KRT26: variants seen among roughly 807,000 people sequenced by gnomAD.
KRT26 encodes the protein keratin 26, also known as keratin, type I cytoskeletal 26.
A neutral mutation model predicts 46.1 loss-of-function variants in KRT26; 45 were observed. The observed-to-expected ratio is 0.98, with a 90% CI of 0.77 to 1.25. KRT26 has a LOEUF of 1.25. KRT26 is among the 50% of genes most tolerant of loss of function. The probability of loss-of-function intolerance (pLI) is 0.00; values close to 1 mark genes in which losing one functional copy is unlikely to be tolerated. For synonymous variants in KRT26, 191 were observed against 209.9 expected, an observed-to-expected ratio of 0.91 and a Z score of 0.78; for missense variants, 582 against 560.1, an observed-to-expected ratio of 1.04 and a Z score of -0.39.
chr17:40,771,690 C>T, exon 1 of KRT26: 2 of 1,613,042 alleles, frequency 1.2e-6, no homozygotes, highest in Non-Finnish European at 1.7e-6. Flanking sequence ...TTAAGATCTT[C>T]TATGACTGAG....
At chr17:40,769,051 A>C (rs1227054817) in exon 6 of KRT26, 1 of 1,614,088 alleles carries the variant, frequency 6.2e-7, no homozygotes, top group East Asian at 2.2e-5. Context: ...AGTTGATTGC[A>C]GTAATTTCCT....
rs116825164 is a variant in KRT26, at chr17:40,771,226, G to A, written c.452C>T (p.Ala151Val). Residue 151 changes from alanine to valine, a missense_variant, in exon 2 of 8, where the codon GCG (alanine) becomes GTG (valine). Transcript: ENST00000335552. ...AACAATGCTGGCATTGCAGATGGTC[G>A]CAGAAATAATCTAAATAGGGAAGAT... 4.0e-4 allele frequency: 639 copies of A among 1,593,848 alleles called. 2 individuals are homozygous for A. In the African/African-American group the frequency reaches 7.6e-3, roughly 19 times the overall value.
intron 7 of KRT26, among the ~76,000 whole-genome samples, chr17:40,767,363 G>A (rs915959590): frequency 6.6e-6 from 1 of 152,134 alleles, no homozygotes; most frequent in Admixed American, 6.5e-5. Flanking sequence ...AACATGTTGT[G>A]GGATTAATTC....
chr17:40,767,050 G>T (rs2038178135), intron 7 of KRT26, among the ~76,000 whole-genome samples: 1 of 152,158 alleles, frequency 6.6e-6, no homozygotes, highest in Non-Finnish European at 1.5e-5. Flanking sequence ...AAAAATGTTT[G>T]CTTTTTAAAA....
intron 5 of KRT26, 109 bp downstream of exon 5, chr17:40,769,645 T>A: frequency 2.7e-6 from 3 of 1,114,808 alleles, no homozygotes; most frequent in Non-Finnish European, 4.0e-6. Flanking sequence ...TTTATACTTT[T>A]AGTCATATGT....
exon 1 of KRT26, chr17:40,771,770 A>G (rs748464617): frequency 6.2e-7 from 1 of 1,614,136 alleles, no homozygotes; most frequent in South Asian, 1.1e-5. Context: ...CCAGCCCTTG[A>G]TCTTCTGCTC....
chr17:40,771,095 A>G (rs2038217773), intron 2 of KRT26, 59 bp downstream of exon 2: 2 of 991,456 alleles, frequency 2.0e-6, no homozygotes, highest in Non-Finnish European at 3.0e-6. Flanking sequence ...TATATTCCTT[A>G]ATCCAATTGT....
intron 1 of KRT26, 143 bp from the exon 2 acceptor site, chr17:40,771,379 C>T: frequency 1.7e-6 from 1 of 597,192 alleles, no homozygotes; most frequent in East Asian, 2.9e-5. Flanking sequence ...GGATTTTCTT[C>T]AGATAATAAG....
At chr17:40,772,201 T>A, upstream of KRT26, 1 of 1,027,604 alleles carries the variant, frequency 9.7e-7, no homozygotes, top group Non-Finnish European at 1.5e-6. Flanking sequence ...CTTGGCCTTT[T>A]ATAGTATTCA....
intron 6 of KRT26, 30 bp downstream of exon 6, chr17:40,768,849 T>C: frequency 3.0e-6 from 2 of 673,064 alleles, no homozygotes; most frequent in South Asian, 2.6e-5. Flanking sequence ...AATGTGAGGT[T>C]TTTTTTTTTT....
Position 40,768,185 on chromosome 17 carries a change from C to T in KRT26, c.1188-532G>A, listed in dbSNP as rs564098375. ...CTGATGGGCCTTGGAGGGTGCAAGA[C>T]GTTACCTCCTCACTATGCGGCCATG... On this transcript the variant is annotated intron_variant, in intron 6 of 7. Coordinates refer to ENST00000335552, the Ensembl canonical transcript of KRT26. Among the ~76,000 whole-genome samples, 14 of 152,282 alleles carry T rather than the reference C, an allele frequency of 9.2e-5. No homozygotes were observed. The South Asian group carries it at 1.7e-3, about 18-fold the overall frequency.
intron 6 of KRT26, among the ~76,000 whole-genome samples, chr17:40,768,034 T>C (rs1456806586): frequency 6.6e-6 from 1 of 152,208 alleles, no homozygotes; most frequent in Non-Finnish European, 1.5e-5. Context: ...AGTATACACA[T>C]GCAAAAAGTT....
At chr17:40,771,883 G>T in exon 1 of KRT26, 6 of 1,614,144 alleles carry the variant, frequency 3.7e-6, no homozygotes, top group Non-Finnish European at 5.1e-6. Context: ...CAGAGAGGAG[G>T]CTGTGCTCAT....
In KRT26 at chr17:40,771,122, T is replaced by C. The variant is rs1286779294; in HGVS notation, c.524+32A>G. On this transcript the variant is annotated intron_variant, in intron 2 of 7. Transcript: ENST00000335552. ...TCCAATTGTAATATTTTAACTTTTA[T>C]TAATATAATTAATCAGTTTGTTTTC... 9 of 1,281,082 alleles carry C rather than the reference T, an allele frequency of 7.0e-6. No individual in the cohort carries two copies. The East Asian group carries it at 1.8e-4, about 25-fold the overall frequency. 79.4% of individuals were successfully genotyped at this position (1,281,082 alleles called of 1,614,324 possible). A position where few individuals can be genotyped will look rare whatever the true frequency, so the allele number is the denominator to read the frequency against.
chr17:40,768,813 T>C (rs1224474388), intron 6 of KRT26, 66 bp downstream of exon 6: 2 of 836,662 alleles, frequency 2.4e-6, no homozygotes. Flanking sequence ...AATATTGGCA[T>C]ACCTATACTG....
chr17:40,767,142 C>T (rs185750709), intron 7 of KRT26, among the ~76,000 whole-genome samples: 71 of 152,298 alleles, frequency 4.7e-4, no homozygotes, highest in South Asian at 4.1e-4. Context: ...GACTATCTCT[C>T]TTATATTTGC....
At chr17:40,766,478 C>CTT (rs765459940) in exon 8 of KRT26, 18 of 1,424,332 alleles carry the variant, frequency 1.3e-5, no homozygotes, top group Admixed American at 6.4e-5. Flanking sequence ...CTCTCTCTCT[C>CTT]TCTTTCTTTC....
At chr17:40,770,217 A>G in intron 3 of KRT26, 36 bp downstream of exon 3, 1 of 1,613,970 alleles carries the variant, frequency 6.2e-7, no homozygotes, top group Non-Finnish European at 8.5e-7. Flanking sequence ...GAAGGAAATT[A>G]GAAACTGTAT....
At position 40,769,750 on chromosome 17, in the gene KRT26, G is replaced by T. The variant is rs16966256; in HGVS notation, c.969+4C>A. 27 of 1,613,722 alleles carry T rather than the reference G, an allele frequency of 1.7e-5. No homozygotes were observed. Among genetic ancestry groups the T allele is most frequent in the Non-Finnish European group, 2.3e-5 (27 of 1,179,926 alleles). On this transcript the variant is annotated splice_donor_region_variant and intron_variant, in intron 5 of 7. Coordinates refer to ENST00000335552, the Ensembl canonical transcript of KRT26. ...TATTCAATTCAATGGCGATTCCTAC[G>T]TACCACAGCCATGAGGGACTGAAGT...
Sources: gnomAD v4.1 joint callset for allele counts (sites outside exome capture counted in the v4.1 genomes callset) on GRCh38, gnomAD v4.1.1 for gene constraint, MANE v1.5 for transcripts, NCBI Gene and HGNC (gene_info 2026-07-23, HGNC 2026-07-21) for gene names.